Variants in KIZ observed in about 807,000 individuals in gnomAD.
The protein encoded by KIZ is kizuna centrosomal protein.
In KIZ, 68 loss-of-function variants were observed where a neutral mutation model predicts 79.6. That is an observed-to-expected ratio of 0.85 (90% CI 0.70 to 1.05). The LOEUF (loss-of-function observed/expected upper bound fraction) is 1.05, where lower values mean the gene tolerates loss of function less well. KIZ is among the 50% of genes least tolerant of loss of function. KIZ has a pLI of 0.00. For missense variants in KIZ, 797 were observed against 800.4 expected, an observed-to-expected ratio of 1.00 and a Z score of 0.05; for synonymous variants, 280 against 281.8, an observed-to-expected ratio of 0.99 and a Z score of 0.06.
chr20:21,135,037 T>G (rs559681860), intron 2 of KIZ, among the ~76,000 whole-genome samples: 8 of 152,174 alleles, frequency 5.3e-5, no homozygotes, highest in South Asian at 2.1e-4. Flanking sequence ...CTAGGTCAGG[T>G]TGCCCGGTGT....
rs930136537 is a variant in KIZ at position 21,188,035 on chromosome 20, A to G, written c.1353-17456A>G. Among the ~76,000 whole-genome samples, 3 of 152,346 alleles carry G rather than the reference A, an allele frequency of 2.0e-5. No homozygotes were observed. In the South Asian group the frequency reaches 6.2e-4, roughly 32 times the overall value. On this transcript the variant is annotated intron_variant, in intron 6 of 12. Coordinates refer to ENST00000619189, the MANE Select transcript of KIZ (RefSeq NM_018474.6). ...TCCTGTACCTCAGCCTCATTTTCTC[A>G]GAGGTAAGCTTTAGAAACTAGAATT...
intron 9 of KIZ, among the ~76,000 whole-genome samples, chr20:21,226,946 A>G (rs774137708): frequency 7.9e-5 from 12 of 152,288 alleles, no homozygotes; most frequent in Non-Finnish European, 1.3e-4. Context: ...AGAGTGAGCC[A>G]TCTCAGGATG....
intron 6 of KIZ, chr20:21,198,760 A>G (rs1344852838): frequency 6.6e-6 from 1 of 152,660 alleles, no homozygotes; most frequent in Non-Finnish European, 1.5e-5. Context: ...TCTTGAAGCT[A>G]TGGGAAATGC....
intron 6 of KIZ, among the ~76,000 whole-genome samples, chr20:21,177,728 C>T (rs544870220): frequency 2.8e-4 from 42 of 152,140 alleles, no homozygotes; most frequent in African/African-American, 9.9e-4. Context: ...ATATTTAAAT[C>T]CTTAATTCAT....
Position 21,162,363 on chromosome 20 carries a change from G to A in KIZ, c.898G>A (p.Glu300Lys), listed in dbSNP as rs762000568. The A allele has an allele frequency of 1.2e-6, 2 of 1,613,948 alleles. No homozygotes were observed. Among genetic ancestry groups the A allele is most frequent in the Non-Finnish European group, 1.7e-6 (2 of 1,179,874 alleles). The change falls in exon 5 of 13, where the codon GAG becomes AAG. Residue 300 changes from glutamate (E) to lysine (K), a missense_variant. Transcript: ENST00000619189. ...AAAGTGTGACAGTTCCAGCGGATCAGAGGGAGAAATACTGACACGGGAACA... is the reference window on the plus strand; with the variant it reads ...AAAGTGTGACAGTTCCAGCGGATCAAAGGGAGAAATACTGACACGGGAACA... The part of the protein sequence containing the change: ...DLKCDSSSGS[E>K]GEILTREHIE...
intron 11 of KIZ, among the ~76,000 whole-genome samples, chr20:21,243,428 C>A (rs2037283928): frequency 6.6e-6 from 1 of 152,132 alleles, no homozygotes; most frequent in African/African-American, 2.4e-5. Flanking sequence ...GAACAAGGCC[C>A]TGGCTGTGAG....
At chr20:21,211,195 C>A (rs1028497366) in intron 7 of KIZ, among the ~76,000 whole-genome samples, 21 of 152,232 alleles carry the variant, frequency 1.4e-4, no homozygotes, top group African/African-American at 5.1e-4. Flanking sequence ...AATATTTAAA[C>A]TGAACATGGA....
At chr20:21,213,895 T>A (rs993700301) in intron 7 of KIZ, 1 of 152,236 alleles carries the variant, frequency 6.6e-6, no homozygotes, top group African/African-American at 2.4e-5. Flanking sequence ...TTTCCCCAGA[T>A]CCCCAGACGA....
intron 7 of KIZ, among the ~76,000 whole-genome samples, chr20:21,212,081 T>A (rs1303082747): frequency 6.6e-6 from 1 of 152,126 alleles, no homozygotes; most frequent in African/African-American, 2.4e-5. Flanking sequence ...AGAGAGAGAC[T>A]CTGTCTCAAA....
Position 21,157,056 on chromosome 20 carries a change from C to T in KIZ, c.406-4815C>T, listed in dbSNP as rs188563292. Among the ~76,000 whole-genome samples, 324 of 151,978 alleles carry T rather than the reference C, an allele frequency of 2.1e-3. 1 individual carries two copies. Among genetic ancestry groups the T allele is most frequent in the African/African-American group, 7.4e-3 (308 of 41,440 alleles). On this transcript the variant is annotated intron_variant, in intron 4 of 12. Transcript: ENST00000619189. ...GGAGGGTCACTTGAGTCCAGGAGTT[C>T]GAGTCCACCCTGGGCAACATAGACC...
At chr20:21,160,497 C>T (rs1266732407) in intron 4 of KIZ, among the ~76,000 whole-genome samples, 1 of 152,144 alleles carries the variant, frequency 6.6e-6, no homozygotes. Flanking sequence ...TCTGCCTGCG[C>T]TCCCTGATGT....
At chr20:21,134,039 T>TGAGGCA (rs896328030) in intron 2 of KIZ, among the ~76,000 whole-genome samples, 5 of 152,178 alleles carry the variant, frequency 3.3e-5, no homozygotes, top group African/African-American at 7.2e-5. Flanking sequence ...CAAGTGCAGC[T>TGAGGCA]GAGGCAGAGG....
At chr20:21,183,393 T>G (rs1271148857) in intron 6 of KIZ, among the ~76,000 whole-genome samples, 2 of 152,220 alleles carry the variant, frequency 1.3e-5, no homozygotes, top group African/African-American at 4.8e-5. Flanking sequence ...GTGAGTCATA[T>G]CTCAGTAGAG....
chr20:21,197,254 A>G (rs2035380036), intron 6 of KIZ: 1 of 152,236 alleles, frequency 6.6e-6, no homozygotes, highest in East Asian at 1.9e-4. Context: ...CTTATCACTT[A>G]CTCAGTAGAC....
At chr20:21,235,992 G>A (rs904138433) in intron 11 of KIZ, among the ~76,000 whole-genome samples, 15 of 152,144 alleles carry the variant, frequency 9.9e-5, no homozygotes, top group Non-Finnish European at 1.8e-4. Flanking sequence ...AGTCCTTTAG[G>A]TTCTTATATA....
At chr20:21,136,921 T>C (rs1428154906) in intron 3 of KIZ, among the ~76,000 whole-genome samples, 2 of 152,252 alleles carry the variant, frequency 1.3e-5, no homozygotes, top group Admixed American at 6.5e-5. Context: ...CTGAATTTTA[T>C]CAGGGAACTT....
intron 8 of KIZ, 115 bp downstream of exon 8, chr20:21,214,815 T>C: frequency 1.7e-6 from 1 of 584,672 alleles, no homozygotes; most frequent in Non-Finnish European, 3.0e-6. Context: ...GATTTTAATA[T>C]GCATAATATA....
intron 2 of KIZ, among the ~76,000 whole-genome samples, chr20:21,133,844 C>G (rs2032002366): frequency 1.3e-5 from 2 of 152,208 alleles, no homozygotes; most frequent in African/African-American, 4.8e-5. Context: ...TTCAGAGGAG[C>G]CTTCAGAGGA....
chr20:21,127,801 C>T (rs1247423762), intron 1 of KIZ, among the ~76,000 whole-genome samples: 3 of 152,174 alleles, frequency 2.0e-5, no homozygotes, highest in Non-Finnish European at 4.4e-5. Flanking sequence ...CAGGTTGTTC[C>T]ACCTCTCTGA....
Sources: gnomAD v4.1 joint callset for allele counts (sites outside exome capture counted in the v4.1 genomes callset) on GRCh38, gnomAD v4.1.1 for gene constraint, MANE v1.5 for transcripts, NCBI Gene and HGNC (gene_info 2026-07-23, HGNC 2026-07-21) for gene names.